Variants in MAP4K1 observed in about 807,000 individuals in gnomAD.
MAP4K1 encodes MAPK/ERK kinase kinase kinase 1.
In MAP4K1, 35 loss-of-function variants were observed where a neutral mutation model predicts 122.8. That is an observed-to-expected ratio of 0.29 (90% CI 0.22 to 0.38). MAP4K1 has a LOEUF of 0.38. Ranked by LOEUF, MAP4K1 falls within the 10% of genes least tolerant of loss-of-function variation. The probability of loss-of-function intolerance (pLI) is 1.00; values close to 1 mark genes in which losing one functional copy is unlikely to be tolerated. For missense variants in MAP4K1, 791 were observed against 1,072.6 expected, an observed-to-expected ratio of 0.74 and a Z score of 3.67; for synonymous variants, 412 against 421.3, an observed-to-expected ratio of 0.98 and a Z score of 0.27.
chr19:38,596,957 C>CT, intron 25 of MAP4K1, 77 bp downstream of exon 25: 1 of 1,386,580 alleles, frequency 7.2e-7, no homozygotes, highest in African/African-American at 1.4e-5. Flanking sequence ...TCATGGAGCT[C>CT]TTGATAGAAG....
intron 8 of MAP4K1, 103 bp downstream of exon 8, chr19:38,613,777 C>G: frequency 2.3e-6 from 2 of 862,388 alleles, no homozygotes. Flanking sequence ...GGAGAAAGGA[C>G]GAGGCAGGGG....
At chr19:38,616,998 A>C (rs1975664707) in intron 3 of MAP4K1, among the ~76,000 whole-genome samples, 1 of 152,100 alleles carries the variant, frequency 6.6e-6, no homozygotes, top group African/African-American at 2.4e-5. Flanking sequence ...CTGTAATCCC[A>C]GCACTTTCGG....
intron 19 of MAP4K1, among the ~76,000 whole-genome samples, chr19:38,602,012 A>G (rs1444415277): frequency 1.3e-5 from 2 of 151,752 alleles, no homozygotes; most frequent in Admixed American, 1.3e-4. Context: ...TCTTGGCCTC[A>G]TGTGATTCAC....
intron 19 of MAP4K1, 46 bp downstream of exon 19, chr19:38,605,363 C>A (rs1326275945): frequency 6.7e-7 from 1 of 1,486,024 alleles, no homozygotes; most frequent in Admixed American, 2.0e-5. Context: ...CCAGGCATCC[C>A]CAGCCCCGTC....
chr19:38,605,777 AGAG>A, intron 17 of MAP4K1, 47 bp from the exon 18 acceptor site: 1 of 1,560,394 alleles, frequency 6.4e-7, no homozygotes, highest in Non-Finnish European at 8.6e-7. Context: ...AGATGATCTC[AGAG>A]AGGGCACCCT....
At chr19:38,596,526 C>T in intron 25 of MAP4K1, 40 bp from the exon 26 acceptor site, 1 of 1,467,130 alleles carries the variant, frequency 6.8e-7, no homozygotes, top group Non-Finnish European at 9.1e-7. Flanking sequence ...GGGGGTGGTT[C>T]AGGACGGGGC....
At chr19:38,608,870 C>T (rs1438845921) in intron 13 of MAP4K1, among the ~76,000 whole-genome samples, 1 of 143,424 alleles carries the variant, frequency 7.0e-6, no homozygotes, top group Non-Finnish European at 1.5e-5. Flanking sequence ...GTCCCAGCTA[C>T]TCAGGAGGCT....
Position 38,597,594 on chromosome 19 carries a change from C to G in MAP4K1, c.1670G>C (p.Gly557Ala). ...SINNVLMSLS[G>A]KTPHLYSHSI... is the part of the protein sequence containing the mutation. ...ATGAGAATACAGGTGGGGGGTCTTTCCTGCAGGGTGTGTGTATGTAGGGGG... is the reference window on the plus strand; with the variant it reads ...ATGAGAATACAGGTGGGGGGTCTTTGCTGCAGGGTGTGTGTATGTAGGGGG... Residue 557 changes from glycine (G) to alanine (A), a missense_variant and splice_region_variant, in exon 23 of 31, where the codon GGA becomes GCA. Physicochemically the swap from Gly to Ala is moderately conservative, Grantham distance 60. This residue lies in a region of MAP4K1 where 58 missense variants were observed against 118.7 expected (regional missense o/e 0.49). Transcript: ENST00000396857. This position sits in a 1 kb window ranked among gnomAD's most constrained non-coding sequence, Gnocchi z 4.6. 6.2e-7 allele frequency: 1 copy of G among 1,607,440 alleles called. No homozygotes were observed. Among genetic ancestry groups the G allele is most frequent in the Non-Finnish European group, 8.5e-7 (1 of 1,176,390 alleles).
rs1364298672 is a variant in MAP4K1, at chr19:38,601,514, A to G, written c.1458T>C (p.Leu486=). The change falls in exon 20 of 31, where the codon CTT becomes CTC. Residue 486 remains leucine (L), a synonymous_variant. Coordinates refer to ENST00000396857, the MANE Select transcript of MAP4K1 (RefSeq NM_001042600.3). The part of the protein sequence containing the change: ...KEKMKRKGCA[L]LVKLFNGCPL... ...GGCAGCCATTGAACAACTTTACGAG[A>G]AGGGCACATCCCTGGGCAGGTCGCC... 2 of 1,607,554 alleles carry G rather than the reference A, an allele frequency of 1.2e-6. No homozygotes were observed. The highest frequency in any genetic ancestry group is 1.7e-6 in the Non-Finnish European group (2 of 1,177,428).
At chr19:38,596,971 A>G (rs924235296) in intron 25 of MAP4K1, 63 bp downstream of exon 25, 10 of 1,474,568 alleles carry the variant, frequency 6.8e-6, no homozygotes, top group Non-Finnish European at 9.5e-6. Context: ...ATAGAAGCGC[A>G]AAGGGTGCAA....
chr19:38,602,797 C>CAT (rs541487808), intron 19 of MAP4K1, among the ~76,000 whole-genome samples: 2 of 130,920 alleles, frequency 1.5e-5, no homozygotes. Context: ...TATATACACA[C>CAT]ATACATATAT....
At chr19:38,592,986 G>C (rs915672255) in intron 30 of MAP4K1, among the ~76,000 whole-genome samples, 9 of 152,146 alleles carry the variant, frequency 5.9e-5, no homozygotes, top group African/African-American at 2.2e-4. Context: ...GGTAGTTCCA[G>C]ATACTCAGGA....
At position 38,610,001 on chromosome 19, in the gene MAP4K1, G is replaced by C; in HGVS notation, c.835C>G (p.Leu279Val). 1 of 1,614,054 alleles carries C rather than the reference G, an allele frequency of 6.2e-7. No homozygotes were observed. The highest frequency in any genetic ancestry group is 1.3e-5 in the African/African-American group (1 of 75,046). The change falls in exon 12 of 31, where the codon CTG becomes GTG. Residue 279 changes from leucine to valine, a missense_variant. Physicochemically the swap from Leu to Val is conservative, Grantham distance 32. This residue lies in a region of MAP4K1 where 303 missense variants were observed against 344.8 expected (regional missense o/e 0.88). Coordinates refer to ENST00000396857, the MANE Select transcript of MAP4K1 (RefSeq NM_001042600.3). Reference protein sequence around the residue: ...LSHQLVSQPGLNRGLILDLLD... With the variant: ...LSHQLVSQPGVNRGLILDLLD... ...AGATCCAGGATCAGGCCTCGATTCAGCCCAGGCTGGGATACCAGTTGATGC... is the reference window on the plus strand; with the variant it reads ...AGATCCAGGATCAGGCCTCGATTCACCCCAGGCTGGGATACCAGTTGATGC...
At chr19:38,608,088 G>A (rs1299292221) in intron 14 of MAP4K1, 24 bp downstream of exon 14, 8 of 1,553,860 alleles carry the variant, frequency 5.1e-6, no homozygotes, top group Non-Finnish European at 7.0e-6. Context: ...CGGTGTGGTG[G>A]GGAGTGGGGG....
At position 38,609,911 on chromosome 19, in the gene MAP4K1, C is replaced by G. The variant is rs528439074; in HGVS notation, c.925G>C (p.Glu309Gln). The G allele has an allele frequency of 3.1e-6, 5 of 1,613,286 alleles. No homozygotes were observed. The South Asian group carries it at 5.5e-5, about 18-fold the overall frequency. ...SIGDIEDEEP[E>Q]LPPAIPRRIR... ...CTCTTGTCAGCCAAGGCTCTCACCT[C>G]GGGCTCCTCATCCTCAATGTCCCCA... Residue 309 changes from glutamate to glutamine, a missense_variant and splice_region_variant, in exon 12 of 31, where the codon GAG becomes CAG. Transcript: ENST00000396857.
At position 38,597,354 on chromosome 19, in the gene MAP4K1, G is replaced by T. The variant is rs780320926; in HGVS notation, c.1809C>A (p.Asp603Glu). The T allele has an allele frequency of 1.9e-6, 3 of 1,614,074 alleles. No individual in the cohort carries two copies. Among genetic ancestry groups the T allele is most frequent in the African/African-American group, 2.7e-5 (2 of 75,022 alleles). ...RKNMVSTKIQDTKGCRACCVA... is the reference protein window; with the variant it reads ...RKNMVSTKIQETKGCRACCVA... ...CACAGCACGCCCGGCAGCCTTTGGT[G>T]TCCTGGATCTTGGTGGAAACCATGT... The change falls in exon 24 of 31, where the codon GAC becomes GAA. Residue 603 changes from aspartate (D) to glutamate (E), a missense_variant. Asp to Glu is a conservative substitution (Grantham distance 45, BLOSUM62 2). Around this residue, in one of 4 missense-constraint regions of MAP4K1, gnomAD observed 267 missense variants for 323.0 expected, o/e 0.83. Transcript: ENST00000396857. This position sits in a 1 kb window ranked among gnomAD's most constrained non-coding sequence, Gnocchi z 4.6.
At chr19:38,605,854 C>T (rs1975314458) in intron 17 of MAP4K1, 124 bp from the exon 18 acceptor site, 4 of 916,524 alleles carry the variant, frequency 4.4e-6, no homozygotes, top group Non-Finnish European at 6.5e-6. Context: ...ACCCCCCCGA[C>T]AACATCTTGT....
intron 8 of MAP4K1, 39 bp downstream of exon 8, chr19:38,613,841 C>T (rs773930867): frequency 6.5e-7 from 1 of 1,530,040 alleles, no homozygotes; most frequent in Non-Finnish European, 8.9e-7. Context: ...AACCACTGAC[C>T]CCCACTCCAC....
chr19:38,600,051 T>G, intron 21 of MAP4K1, 26 bp downstream of exon 21: 1 of 1,614,154 alleles, frequency 6.2e-7, no homozygotes, highest in Non-Finnish European at 8.5e-7. Context: ...CCCTTGCCCT[T>G]GCCCTGGCCC....
Sources: allele counts gnomAD v4.1 joint callset (sites outside exome capture counted in the v4.1 genomes callset), GRCh38; gene constraint gnomAD v4.1.1; regional missense constraint gnomAD v4.1.1; non-coding constraint Gnocchi (gnomAD v3.1); transcripts MANE v1.5; gene names NCBI Gene and HGNC (gene_info 2026-07-23, HGNC 2026-07-21).